CTNNA3: variants seen among roughly 807,000 people sequenced by gnomAD.
CTNNA3 encodes catenin alpha 3.
In CTNNA3, 76 loss-of-function variants were observed where a neutral mutation model predicts 95.7. The observed-to-expected ratio is 0.79, with a 90% CI of 0.66 to 0.96. The LOEUF is 0.96. Among genes scored for constraint, CTNNA3 ranks in the 40% least tolerant of loss-of-function variants. The pLI is 0.00. For synonymous variants in CTNNA3, 431 were observed against 374.4 expected (o/e 1.15, Z -1.74); for missense variants, 1,191 against 1,089.8 (o/e 1.09, Z -1.31).
chr10:67,564,061 C>A (rs1398115861), intron 3 of CTNNA3, among the ~76,000 whole-genome samples: 2 of 149,334 alleles, frequency 1.3e-5, no homozygotes, highest in Non-Finnish European at 3.0e-5. Flanking sequence ...TAAACTAGTT[C>A]AACCATTGTC....
chr10:67,070,238 A>G (rs1175174394), intron 7 of CTNNA3, among the ~76,000 whole-genome samples: 2 of 151,784 alleles, frequency 1.3e-5, no homozygotes, highest in Admixed American at 6.6e-5. Context: ...TCACTTTTTT[A>G]TTGGATTGTC....
At chr10:66,247,335 G>T (rs1430372421) in intron 13 of CTNNA3, among the ~76,000 whole-genome samples, 1 of 152,126 alleles carries the variant, frequency 6.6e-6, no homozygotes, top group East Asian at 1.9e-4. Flanking sequence ...AGCTAGCATT[G>T]CTGGACCTGC....
At chr10:66,880,565 C>G (rs768770703) in intron 7 of CTNNA3, among the ~76,000 whole-genome samples, 1 of 152,048 alleles carries the variant, frequency 6.6e-6, no homozygotes, top group Admixed American at 6.6e-5. Flanking sequence ...TTTGATGACC[C>G]TAGTCTTGGA....
intron 3 of CTNNA3, among the ~76,000 whole-genome samples, chr10:67,584,691 C>T (rs1301784391): frequency 6.6e-6 from 1 of 152,204 alleles, no homozygotes; most frequent in East Asian, 1.9e-4. Context: ...GCAGGCAGGC[C>T]TCCTTGAGCT....
chr10:67,050,426 T>C (rs1855013545), intron 7 of CTNNA3, among the ~76,000 whole-genome samples: 1 of 152,180 alleles, frequency 6.6e-6, no homozygotes, highest in African/African-American at 2.4e-5. Flanking sequence ...TTTCTCCAAA[T>C]GACTTAAGAA....
At chr10:66,040,239 G>A (rs1241908610) in intron 15 of CTNNA3, among the ~76,000 whole-genome samples, 1 of 152,104 alleles carries the variant, frequency 6.6e-6, no homozygotes, top group Non-Finnish European at 1.5e-5. Flanking sequence ...GTGCTGCTGA[G>A]GTTGAGGAGA....
intron 1 of CTNNA3, among the ~76,000 whole-genome samples, chr10:67,731,299 C>A (rs1841272331): frequency 6.6e-6 from 1 of 151,546 alleles, no homozygotes; most frequent in Non-Finnish European, 1.5e-5. Flanking sequence ...AGAAGGATCA[C>A]CTGAGGTCAG....
intron 7 of CTNNA3, among the ~76,000 whole-genome samples, chr10:67,180,002 A>G (rs867770816): frequency 6.6e-6 from 1 of 152,022 alleles, no homozygotes; most frequent in Non-Finnish European, 1.5e-5. Flanking sequence ...TATCTTCTTT[A>G]TATTTCTTAA....
intron 5 of CTNNA3, among the ~76,000 whole-genome samples, chr10:67,457,223 C>A (rs916808251): frequency 6.6e-6 from 1 of 152,112 alleles, no homozygotes; most frequent in Admixed American, 6.6e-5. Flanking sequence ...TCCCCAAAGC[C>A]AAAGTTATGG....
intron 9 of CTNNA3, among the ~76,000 whole-genome samples, chr10:66,712,928 TCTTTA>T (rs1848342084): frequency 6.6e-6 from 1 of 152,186 alleles, no homozygotes; most frequent in South Asian, 2.1e-4. Context: ...ATTTCCTATG[TCTTTA>T]CTTAACATCT....
chr10:66,874,149 A>G (rs947657111), intron 7 of CTNNA3, among the ~76,000 whole-genome samples: 1 of 152,094 alleles, frequency 6.6e-6, no homozygotes, highest in African/African-American at 2.4e-5. Context: ...GAGTCTCAGG[A>G]ACAAGTGTAC....
intron 2 of CTNNA3, among the ~76,000 whole-genome samples, chr10:67,624,526 C>T (rs1006310665): frequency 7.2e-5 from 11 of 152,202 alleles, no homozygotes; most frequent in African/African-American, 2.7e-4. Context: ...TACTATTCCC[C>T]TGTGTTATGC....
intron 3 of CTNNA3, among the ~76,000 whole-genome samples, chr10:67,603,002 A>G (rs1037138945): frequency 2.6e-5 from 4 of 152,228 alleles, no homozygotes; most frequent in Non-Finnish European, 5.9e-5. Context: ...AGGCATTGGT[A>G]ATCAAATAAC....
Position 66,927,277 on chromosome 10 carries a change from A to C in CTNNA3, c.1048-151753T>G. 3 of 1,614,088 alleles carry C rather than the reference A, an allele frequency of 1.9e-6. No individual in the cohort carries two copies. In the South Asian group the frequency reaches 3.3e-5, roughly 18 times the overall value. ...AGAGCTGATTCTTAGTTCCAATAGA[A>C]TCTCCTATTTTCTTAACAATACCTT... On this transcript the variant is annotated intron_variant, in intron 7 of 17. Coordinates refer to ENST00000433211, the MANE Select transcript of CTNNA3 (RefSeq NM_013266.4). This position sits in a 1 kb window ranked among gnomAD's most constrained non-coding sequence, Gnocchi z 4.7.
intron 5 of CTNNA3, among the ~76,000 whole-genome samples, chr10:67,256,678 T>A (rs1281635516): frequency 6.6e-6 from 1 of 152,140 alleles, no homozygotes; most frequent in African/African-American, 2.4e-5. Flanking sequence ...TTGAAAAGTC[T>A]CTGAGTGATG....
intron 7 of CTNNA3, among the ~76,000 whole-genome samples, chr10:67,080,933 CAACAA>C (rs370943974): frequency 0.52 from 73,657 of 140,798 alleles, 19,662 homozygotes; most frequent in African/African-American, 0.68. Context: ...AACAAAAAAA[CAACAA>C]AAAAAAAAAA....
intron 12 of CTNNA3, among the ~76,000 whole-genome samples, chr10:66,375,400 G>T (rs1351668104): frequency 6.6e-6 from 1 of 152,032 alleles, no homozygotes; most frequent in African/African-American, 2.4e-5. Flanking sequence ...ACACCACTAA[G>T]CTCCAGCCAA....
intron 1 of CTNNA3, among the ~76,000 whole-genome samples, chr10:67,703,845 T>G (rs1242752914): frequency 6.6e-6 from 1 of 152,220 alleles, no homozygotes; most frequent in African/African-American, 2.4e-5. Context: ...TGTCCCTGTT[T>G]GCAGATGACA....
At chr10:66,289,440 T>C (rs2091642974) in intron 12 of CTNNA3, among the ~76,000 whole-genome samples, 1 of 151,786 alleles carries the variant, frequency 6.6e-6, no homozygotes, top group African/African-American at 2.4e-5. Flanking sequence ...ACACCCAATA[T>C]ATTAACTTCG....
Sources: allele counts gnomAD v4.1 joint callset (sites outside exome capture counted in the v4.1 genomes callset), GRCh38; gene constraint gnomAD v4.1.1; non-coding constraint Gnocchi (gnomAD v3.1); transcripts MANE v1.5; gene names NCBI Gene and HGNC (gene_info 2026-07-23, HGNC 2026-07-21).